TTC6: variants seen among roughly 807,000 people sequenced by gnomAD.
TTC6 encodes tetratricopeptide repeat domain 6, also known as tetratricopeptide repeat protein 6.
Under a neutral mutation model 210.4 loss-of-function variants are expected in TTC6, and 172 were observed. The observed-to-expected ratio is 0.82, with a 90% CI of 0.72 to 0.93. TTC6 has a LOEUF of 0.93. Among genes scored for constraint, TTC6 ranks in the 40% least tolerant of loss-of-function variants. The pLI, the probability that TTC6 is intolerant of heterozygous loss-of-function variation, is 0.00. For missense variants in TTC6, 2,414 were observed against 2,318.1 expected, an observed-to-expected ratio of 1.04 and a Z score of -0.85; for synonymous variants, 804 against 819.6, an observed-to-expected ratio of 0.98 and a Z score of 0.32.
chr14:37,608,669 A>G (rs1301224710), intron 2 of TTC6, among the ~76,000 whole-genome samples: 1 of 152,210 alleles, frequency 6.6e-6, no homozygotes, highest in Non-Finnish European at 1.5e-5. Context: ...GCGCAATATG[A>G]AGTAAAGACA....
rs746429138 is a variant in TTC6, at chr14:37,630,907, G to GTTTTTTTTTTTTTTTT, written c.939+7929_939+7944dup. 2.1e-4 allele frequency among the ~76,000 whole-genome samples: 7 copies of GTTTTTTTTTTTTTTTT among 33,070 alleles called. 1 individual carries two copies. Among genetic ancestry groups the GTTTTTTTTTTTTTTTT allele is most frequent in the African/African-American group, 2.8e-4 (2 of 7,156 alleles). 21.7% of individuals were successfully genotyped at this position (33,070 alleles called of 152,430 possible). ...GTCAGAGACTAGGATGGCAACCCCTGTTTTTTTTTTTTTTTTTTTTTTTTT... is the reference window on the plus strand; with the variant it reads ...GTCAGAGACTAGGATGGCAACCCCTGTTTTTTTTTTTTTTTTTTTTTTTTTTTTTTTTTTTTTTTTT... On this transcript the variant is annotated intron_variant, in intron 1 of 30. Transcript: ENST00000553443.
At chr14:37,691,747 T>A (rs1442447960) in intron 3 of TTC6, among the ~76,000 whole-genome samples, 1 of 151,992 alleles carries the variant, frequency 6.6e-6, no homozygotes, top group Non-Finnish European at 1.5e-5. Flanking sequence ...GTCAATGAGA[T>A]AAGAAAGTTG....
At chr14:37,752,072 A>G (rs1037010936) in intron 13 of TTC6, among the ~76,000 whole-genome samples, 12 of 151,892 alleles carry the variant, frequency 7.9e-5, no homozygotes, top group Non-Finnish European at 1.5e-4. Context: ...TGATCCGCCC[A>G]CCTTGGCCTC....
At chr14:37,751,209 T>G in exon 13 of TTC6, 1 of 1,521,424 alleles carries the variant, frequency 6.6e-7, no homozygotes, top group Non-Finnish European at 8.8e-7. Flanking sequence ...GTACTGGCCA[T>G]TGATGACTTT....
intron 16 of TTC6, 94 bp from the exon 19 acceptor site, chr14:37,792,170 G>T (rs2096081339): frequency 2.1e-6 from 2 of 962,046 alleles, no homozygotes; most frequent in African/African-American, 1.7e-5. Context: ...GATGAATACT[G>T]ATGCATCTGT....
chr14:37,635,340 G>GTA (rs1436287648), intron 1 of TTC6, among the ~76,000 whole-genome samples: 2 of 152,100 alleles, frequency 1.3e-5, no homozygotes, highest in African/African-American at 4.8e-5. Context: ...TCAAAAAACA[G>GTA]TATAGACACA....
intron 1 of TTC6, among the ~76,000 whole-genome samples, chr14:37,665,148 G>T (rs1257165378): frequency 6.7e-6 from 1 of 150,374 alleles, no homozygotes; most frequent in Non-Finnish European, 1.5e-5. Flanking sequence ...CCATTACGGG[G>T]TATATACCCA....
At chr14:37,742,038 G>A (rs1487769452) in intron 10 of TTC6, among the ~76,000 whole-genome samples, 2 of 152,100 alleles carry the variant, frequency 1.3e-5, no homozygotes, top group African/African-American at 4.8e-5. Flanking sequence ...TGACTCCCTT[G>A]TACCCACTGC....
intron 9 of TTC6, among the ~76,000 whole-genome samples, chr14:37,738,353 C>T (rs548360320): frequency 4.6e-5 from 7 of 151,682 alleles, no homozygotes; most frequent in Admixed American, 2.6e-4. Flanking sequence ...GTTGTTAAAG[C>T]GCTTTTGAAA....
intron 1 of TTC6, among the ~76,000 whole-genome samples, chr14:37,639,603 G>A (rs538444199): frequency 6.6e-6 from 1 of 151,694 alleles, no homozygotes; most frequent in East Asian, 1.9e-4. Context: ...GGGTGCGGTG[G>A]CTCATGCCTG....
At chr14:37,627,401 C>T (rs2095662154) in intron 1 of TTC6, among the ~76,000 whole-genome samples, 4 of 151,918 alleles carry the variant, frequency 2.6e-5, no homozygotes, top group Non-Finnish European at 5.9e-5. Flanking sequence ...TTTGCTGCGC[C>T]CATCAACCCA....
At chr14:37,611,236 C>G (rs1026981481) in intron 2 of TTC6, 1 of 151,662 alleles carries the variant, frequency 6.6e-6, no homozygotes, top group Admixed American at 6.5e-5. Context: ...AGCGCGTCCT[C>G]TCTTCGGTGG....
At chr14:37,759,292 A>AG (rs2095977168) in intron 14 of TTC6, among the ~76,000 whole-genome samples, 2 of 151,940 alleles carry the variant, frequency 1.3e-5, no homozygotes, top group Non-Finnish European at 2.9e-5. Context: ...AAGAAAAAAA[A>AG]GAAAGTTCTT....
At chr14:37,636,100 A>G (rs1487162468) in intron 1 of TTC6, among the ~76,000 whole-genome samples, 1 of 152,114 alleles carries the variant, frequency 6.6e-6, no homozygotes, top group Non-Finnish European at 1.5e-5. Context: ...GCATGTATTT[A>G]CCAAATAACA....
chr14:37,659,509 G>GTTTTATTTTA lies in TTC6; in HGVS notation c.940-20621_940-20612dup, dbSNP rs60653547. Among the ~76,000 whole-genome samples, 581 of 149,466 alleles carry GTTTTATTTTA rather than the reference G, an allele frequency of 3.9e-3. 4 individuals carry two copies. Among genetic ancestry groups the GTTTTATTTTA allele is most frequent in the South Asian group, 0.011 (52 of 4,634 alleles). Reference sequence around the variant, plus strand: ...TGATATGAGATGGTATCTCGTTGTCGTTTTATTTTATTTTATTTTATTTTA... The same window carrying GTTTTATTTTA: ...TGATATGAGATGGTATCTCGTTGTCGTTTTATTTTATTTTATTTTATTTTATTTTATTTTA... On this transcript the variant is annotated intron_variant, in intron 1 of 30. Transcript: ENST00000553443.
intron 14 of TTC6, among the ~76,000 whole-genome samples, chr14:37,756,248 G>A (rs1191710051): frequency 6.6e-6 from 1 of 152,204 alleles, no homozygotes; most frequent in Non-Finnish European, 1.5e-5. Context: ...GAGATTTGGG[G>A]CTGAGATGAT....
At chr14:37,816,203 C>T (rs950430032) in intron 25 of TTC6, among the ~76,000 whole-genome samples, 4 of 152,142 alleles carry the variant, frequency 2.6e-5, no homozygotes, top group African/African-American at 9.7e-5. Context: ...TCCACATCTA[C>T]AGATTGGTCT....
At chr14:37,781,518 G>T (rs1329992349) in intron 14 of TTC6, among the ~76,000 whole-genome samples, 1 of 152,056 alleles carries the variant, frequency 6.6e-6, no homozygotes, top group Non-Finnish European at 1.5e-5. Flanking sequence ...TGTAGATTCT[G>T]GATATTAGCC....
chr14:37,614,644 GT>G lies in TTC6; in HGVS notation c.-154-7394del, dbSNP rs71127226. Among the ~76,000 whole-genome samples the G allele has an allele frequency of 8.6e-3, 1,221 of 141,568 alleles. 8 individuals are homozygous for G. The highest frequency in any genetic ancestry group is 0.024 in the Admixed American group (349 of 14,272). 92.9% of individuals were successfully genotyped at this position (141,568 alleles called of 152,430 possible). ...ATCCGCTGGTGAGTAATTCTCTTAG[GT>G]TTTTTTTTTTTAATCTGAATATGTC... On this transcript the variant is annotated intron_variant, in intron 2 of 2. Coordinates refer to the TTC6 transcript ENST00000556845.
Sources: allele counts gnomAD v4.1 joint callset (sites outside exome capture counted in the v4.1 genomes callset), GRCh38; gene constraint gnomAD v4.1.1; transcripts MANE v1.5; gene names NCBI Gene and HGNC (gene_info 2026-07-23, HGNC 2026-07-21).